SYT16: variants seen among roughly 807,000 people sequenced by gnomAD.
SYT16 encodes the protein synaptotagmin 16.
In SYT16, 42 loss-of-function variants were observed where a neutral mutation model predicts 61.4. The ratio of observed to expected loss-of-function variants is 0.68; its 90% CI spans 0.53 to 0.89. SYT16 has a LOEUF of 0.89. Among genes scored for constraint, SYT16 ranks in the 40% least tolerant of loss-of-function variants. The pLI is 0.00. For synonymous variants in SYT16, 314 were observed against 302.3 expected (o/e 1.04, Z -0.40); for missense variants, 804 against 807.3 (o/e 1.00, Z 0.05).
chr14:61,994,171 GT>G (rs989429986), intron 2 of SYT16, among the ~76,000 whole-genome samples: 4 of 152,176 alleles, frequency 2.6e-5, no homozygotes, highest in Non-Finnish European at 5.9e-5. Context: ...ATGGAAGAAG[GT>G]AGTGTTGAAG....
intron 1 of SYT16, among the ~76,000 whole-genome samples, chr14:61,890,272 C>T (rs577028223): frequency 5.4e-4 from 82 of 152,184 alleles, no homozygotes; most frequent in African/African-American, 1.4e-3. Context: ...AAAAGAGGGG[C>T]CAGGGGAGTT....
intron 3 of SYT16, among the ~76,000 whole-genome samples, chr14:62,002,753 G>T (rs568387947): frequency 6.6e-6 from 1 of 152,228 alleles, no homozygotes; most frequent in South Asian, 2.1e-4. Context: ...AACAGGATTT[G>T]CTGTTGTATT....
At chr14:61,857,391 C>T (rs934801205) in intron 1 of SYT16, among the ~76,000 whole-genome samples, 4 of 152,196 alleles carry the variant, frequency 2.6e-5, no homozygotes, top group African/African-American at 7.2e-5. Flanking sequence ...GAACCAACTG[C>T]AGCTATGACT....
chr14:62,014,414 C>T (rs1288346871), intron 3 of SYT16, among the ~76,000 whole-genome samples: 3 of 151,868 alleles, frequency 2.0e-5, no homozygotes, highest in Non-Finnish European at 4.4e-5. Context: ...CTGTCCAACT[C>T]CTCCTTATCC....
intron 3 of SYT16, among the ~76,000 whole-genome samples, chr14:62,042,169 C>G (rs1005478216): frequency 6.6e-6 from 1 of 151,566 alleles, no homozygotes. Context: ...AATTTTTTTT[C>G]TTTTGCTTTT....
chr14:61,879,245 A>C (rs1462870357), intron 1 of SYT16, among the ~76,000 whole-genome samples: 2 of 152,178 alleles, frequency 1.3e-5, no homozygotes, highest in Admixed American at 1.3e-4. Flanking sequence ...ATAAGGATTT[A>C]AAAACAAAAA....
At chr14:61,848,144 A>G (rs936932518) in intron 1 of SYT16, among the ~76,000 whole-genome samples, 4 of 152,160 alleles carry the variant, frequency 2.6e-5, no homozygotes, top group Non-Finnish European at 4.4e-5. Context: ...ACATTGAAGA[A>G]TTAGGTATTT....
intron 5 of SYT16, chr14:62,079,394 A>G: frequency 8.2e-7 from 1 of 1,213,680 alleles, no homozygotes; most frequent in Non-Finnish European, 1.1e-6. Flanking sequence ...CTGTCTGTCA[A>G]GTCCTCTACT....
chr14:61,968,056 T>C (rs553278378), intron 1 of SYT16, among the ~76,000 whole-genome samples: 1 of 151,542 alleles, frequency 6.6e-6, no homozygotes, highest in African/African-American at 2.4e-5. Context: ...AGGTCAGGAG[T>C]TCAAGACCAG....
In SYT16 at chr14:61,864,890, T is replaced by A. The variant is rs1479167708; in HGVS notation, c.-325+52080T>A. ...ACCCCCGGCGGAGACAGTGACCAAC[T>A]GCGCGGATGGCGGGATGCTCCGTGT... On this transcript the variant is annotated intron_variant, in intron 1 of 7. Coordinates refer to ENST00000683842, the MANE Select transcript of SYT16 (RefSeq NM_001367656.1). 4 of 1,234,854 alleles carry A rather than the reference T, an allele frequency of 3.2e-6. No individual in the cohort carries two copies. In the East Asian group the frequency reaches 9.3e-5, roughly 29 times the overall value. The allele number at this position is 1,234,854 out of a possible 1,614,324, so 76.5% of individuals were successfully genotyped here. A position where few individuals can be genotyped will look rare whatever the true frequency, so the allele number is the denominator to read the frequency against.
intron 3 of SYT16, among the ~76,000 whole-genome samples, chr14:62,065,053 A>T (rs935042594): frequency 2.0e-5 from 3 of 151,908 alleles, no homozygotes; most frequent in African/African-American, 7.3e-5. Context: ...ATAAGCCTGT[A>T]TGCACTCACA....
chr14:62,097,312 C>T (rs1251951569), intron 7 of SYT16, among the ~76,000 whole-genome samples: 1 of 152,132 alleles, frequency 6.6e-6, no homozygotes. Flanking sequence ...ACTAAAGATA[C>T]TATAAAGCTT....
intron 2 of SYT16, among the ~76,000 whole-genome samples, chr14:61,993,880 A>G (rs186430629): frequency 2.9e-4 from 44 of 152,254 alleles, no homozygotes; most frequent in African/African-American, 5.5e-4. Flanking sequence ...AGAATTCACT[A>G]TGTGCTCAGC....
chr14:62,090,670 CATG>C, intron 7 of SYT16, among the ~76,000 whole-genome samples: 1 of 152,240 alleles, frequency 6.6e-6, no homozygotes, highest in East Asian at 1.9e-4. Context: ...CTCTAATTCT[CATG>C]ATGATATCAA....
chr14:62,033,434 G>A (rs1340946652), intron 3 of SYT16, among the ~76,000 whole-genome samples: 1 of 152,018 alleles, frequency 6.6e-6, no homozygotes, highest in Non-Finnish European at 1.5e-5. Context: ...AATATTACTT[G>A]GTTATAAAAA....
At chr14:62,022,019 T>C (rs1268072064) in intron 3 of SYT16, among the ~76,000 whole-genome samples, 2 of 151,784 alleles carry the variant, frequency 1.3e-5, no homozygotes, top group Non-Finnish European at 2.9e-5. Context: ...ATAAAAGTTA[T>C]AATTTTGCAA....
intron 1 of SYT16, among the ~76,000 whole-genome samples, chr14:61,934,924 C>A (rs2049917615): frequency 6.6e-6 from 1 of 152,146 alleles, no homozygotes; most frequent in East Asian, 1.9e-4. Context: ...ATTTTATTAT[C>A]GTGAACTCAG....
chr14:62,088,955 CTTTT>C (rs11318289), intron 7 of SYT16, among the ~76,000 whole-genome samples: 1 of 144,112 alleles, frequency 6.9e-6, no homozygotes, highest in African/African-American at 2.5e-5. Flanking sequence ...GTTGGCAATA[CTTTT>C]TTTTTTTTTT....
chr14:61,883,237 C>G (rs940640962), intron 1 of SYT16, among the ~76,000 whole-genome samples: 1 of 152,214 alleles, frequency 6.6e-6, no homozygotes, highest in Non-Finnish European at 1.5e-5. Context: ...ATTTCTGCAG[C>G]TGGCTTGAAT....
Sources: gnomAD v4.1 joint callset for allele counts (sites outside exome capture counted in the v4.1 genomes callset) on GRCh38, gnomAD v4.1.1 for gene constraint, MANE v1.5 for transcripts, NCBI Gene and HGNC (gene_info 2026-07-23, HGNC 2026-07-21) for gene names.